COG6: variants seen among roughly 807,000 people sequenced by gnomAD.
COG6 encodes component of oligomeric golgi complex 6.
A neutral mutation model predicts 88.8 loss-of-function variants in COG6; 74 were observed. The ratio of observed to expected loss-of-function variants is 0.83; its 90% CI spans 0.69 to 1.01. The LOEUF is 1.01. Among genes scored for constraint, COG6 ranks in the 50% least tolerant of loss-of-function variants. COG6 has a pLI of 0.00. For missense variants in COG6, 800 were observed against 797.9 expected (o/e 1.00, Z -0.03); for synonymous variants, 286 against 278.7 (o/e 1.03, Z -0.26).
chr13:39,752,972 C>G (rs1371348068), downstream of COG6, among the ~76,000 whole-genome samples: 2 of 152,156 alleles, frequency 1.3e-5, no homozygotes, highest in African/African-American at 4.8e-5. Flanking sequence ...TTGAACTTTT[C>G]CATTTCTTTC....
rs1476513187 is a variant in COG6 at position 39,694,621 on chromosome 13, C to T, written c.1075-13C>T. The T allele has an allele frequency of 6.6e-7, 1 of 1,506,334 alleles. No individual in the cohort carries two copies. Among genetic ancestry groups the T allele is most frequent in the African/African-American group, 1.4e-5 (1 of 72,774 alleles). 93.3% of individuals were successfully genotyped at this position (1,506,334 alleles called of 1,614,324 possible). A position where few individuals can be genotyped will look rare whatever the true frequency, so the allele number is the denominator to read the frequency against. ...TTAAGAAATGTTTACTTTCCTCTCA[C>T]ATATTTTAATAGGTTCGAATTGAGC... On this transcript the variant is annotated splice_polypyrimidine_tract_variant and intron_variant, in intron 11 of 18. Transcript: ENST00000455146.
Position 39,750,834 on chromosome 13 carries a change from GTGA to G in COG6, c.1827-107_1827-105del, listed in dbSNP as rs1220982246. ...ATAGTGATTATTAAATAGTGTATGT[GTGA>G]TGATAATGAAAATGAAATGTGTTGA... On this transcript the variant is annotated intron_variant, in intron 18 of 18. Coordinates refer to ENST00000455146, the MANE Select transcript of COG6 (RefSeq NM_020751.3). The G allele has an allele frequency of 5.2e-6, 4 of 770,082 alleles. No individual in the cohort carries two copies. In the East Asian group the frequency reaches 8.0e-5, roughly 15 times the overall value. 47.7% of individuals were successfully genotyped at this position (770,082 alleles called of 1,614,324 possible). A position where few individuals can be genotyped will look rare whatever the true frequency, so the allele number is the denominator to read the frequency against.
chr13:39,659,899 A>C (rs1417763644), intron 2 of COG6, among the ~76,000 whole-genome samples: 1 of 152,216 alleles, frequency 6.6e-6, no homozygotes, highest in African/African-American at 2.4e-5. Context: ...ATCCTAAAAT[A>C]TGAAAATTTC....
chr13:39,702,445 T>C (rs1250272006), intron 13 of COG6, among the ~76,000 whole-genome samples: 1 of 152,026 alleles, frequency 6.6e-6, no homozygotes, highest in Non-Finnish European at 1.5e-5. Flanking sequence ...TACATGAATA[T>C]AAGAATGTTT....
chr13:39,666,091 GAA>G (rs1875244981), intron 4 of COG6, among the ~76,000 whole-genome samples: 1 of 152,154 alleles, frequency 6.6e-6, no homozygotes, highest in Non-Finnish European at 1.5e-5. Context: ...GATTTTTACA[GAA>G]AAAGTCTGTG....
At chr13:39,728,675 CT>C (rs879320337) in intron 18 of COG6, among the ~76,000 whole-genome samples, 140 of 144,832 alleles carry the variant, frequency 9.7e-4, no homozygotes, top group Admixed American at 1.1e-3. Flanking sequence ...GTAGGTGCTT[CT>C]TTTTTTTTTT....
intron 13 of COG6, among the ~76,000 whole-genome samples, chr13:39,706,730 C>T (rs548147694): frequency 3.9e-4 from 60 of 152,296 alleles, no homozygotes; most frequent in African/African-American, 1.4e-3. Context: ...GTCGTCCAGG[C>T]TGGAGTTCAG....
chr13:39,781,754 A>G (rs1339354411), intron 18 of COG6, among the ~76,000 whole-genome samples: 1 of 152,176 alleles, frequency 6.6e-6, no homozygotes, highest in East Asian at 1.9e-4. Context: ...AGCACCTGGC[A>G]GGGTCACCAG....
intron 5 of COG6, 153 bp from the exon 6 acceptor site, chr13:39,679,385 T>C: frequency 3.1e-6 from 2 of 652,564 alleles, no homozygotes; most frequent in Non-Finnish European, 5.6e-6. Context: ...AGTTACACCG[T>C]CTATGAAAAC....
Position 39,659,362 on chromosome 13 carries a change from A to G in COG6, c.154-2A>G, listed in dbSNP as rs1593402927. Reference sequence around the variant, plus strand: ...AACTGTCTTCTGTTACCAATTGTATAGGAGATGTTAGAAGCTCTCAAGGCA... The same window carrying G: ...AACTGTCTTCTGTTACCAATTGTATGGGAGATGTTAGAAGCTCTCAAGGCA... On this transcript the variant is annotated splice_acceptor_variant, in intron 1 of 18. Coordinates refer to ENST00000455146, the MANE Select transcript of COG6 (RefSeq NM_020751.3). LOFTEE classifies it high-confidence loss of function. 1 of 1,613,332 alleles carries G rather than the reference A, an allele frequency of 6.2e-7. No homozygotes were observed.
intron 18 of COG6, among the ~76,000 whole-genome samples, chr13:39,750,351 G>T (rs958853503): frequency 2.0e-5 from 3 of 152,124 alleles, no homozygotes; most frequent in Non-Finnish European, 4.4e-5. Context: ...GTAAACATTT[G>T]CAGGACTCAT....
intron 18 of COG6, among the ~76,000 whole-genome samples, chr13:39,773,205 G>T (rs576576129): frequency 1.7e-4 from 26 of 152,316 alleles, no homozygotes; most frequent in African/African-American, 5.3e-4. Context: ...GGGAGGAGAT[G>T]ACTTCCAAGG....
intron 18 of COG6, among the ~76,000 whole-genome samples, chr13:39,729,178 C>G (rs1044531459): frequency 6.6e-6 from 1 of 152,126 alleles, no homozygotes; most frequent in African/African-American, 2.4e-5. Context: ...GGTCCCCAAC[C>G]CCGGGCCAGG....
rs779302124 is a variant in COG6 at position 39,752,289 on chromosome 13, A to T, written c.*1196A>T. On this transcript the variant is annotated 3_prime_UTR_variant, in exon 19 of 19. Transcript: ENST00000455146. ...AACATAAAACTAGTATTTGTAGAAG[A>T]TTATGTGTTGTATATAACAAATTAG... The T allele has an allele frequency of 6.2e-4, 541 of 878,498 alleles. 1 individual carries two copies. Among genetic ancestry groups the T allele is most frequent in the Non-Finnish European group, 7.8e-4 (514 of 655,012 alleles). The allele number at this position is 878,498 out of a possible 1,614,324, so 54.4% of individuals were successfully genotyped here. A position where few individuals can be genotyped will look rare whatever the true frequency, so the allele number is the denominator to read the frequency against.
At chr13:39,679,380 C>A in intron 5 of COG6, 158 bp from the exon 6 acceptor site, 1 of 642,034 alleles carries the variant, frequency 1.6e-6, no homozygotes, top group Non-Finnish European at 2.8e-6. Flanking sequence ...ATACCAGTTA[C>A]ACCGTCTATG....
intron 18 of COG6, among the ~76,000 whole-genome samples, chr13:39,747,698 A>G (rs1388521613): frequency 1.3e-5 from 2 of 152,086 alleles, no homozygotes; most frequent in African/African-American, 4.8e-5. Context: ...TATTTTATCT[A>G]TTGCAGACTT....
chr13:39,758,090 G>A (rs1295221408), intron 18 of COG6, among the ~76,000 whole-genome samples: 2 of 151,522 alleles, frequency 1.3e-5, no homozygotes, highest in South Asian at 4.2e-4. Flanking sequence ...CGTGGTGGCG[G>A]ATGCCTGTAG....
downstream of COG6, among the ~76,000 whole-genome samples, chr13:39,757,012 C>G (rs946983461): frequency 4.5e-4 from 68 of 152,148 alleles, no homozygotes; most frequent in African/African-American, 1.6e-3. Context: ...GTGGAACAAT[C>G]CACCCAACAA....
At chr13:39,769,640 T>C (rs1881263649) in intron 18 of COG6, among the ~76,000 whole-genome samples, 1 of 152,288 alleles carries the variant, frequency 6.6e-6, no homozygotes, top group Middle Eastern at 3.4e-3. Flanking sequence ...AGGGAAATAG[T>C]CGAATACAGT....
Sources: gnomAD v4.1 joint callset for allele counts (sites outside exome capture counted in the v4.1 genomes callset) on GRCh38, gnomAD v4.1.1 for gene constraint, MANE v1.5 for transcripts, NCBI Gene and HGNC (gene_info 2026-07-23, HGNC 2026-07-21) for gene names.